Variants in CCDC181 observed in about 807,000 individuals in gnomAD.
The protein encoded by CCDC181 is coiled-coil domain containing 181.
In CCDC181, 35 loss-of-function variants were observed where a neutral mutation model predicts 58.7. That is an observed-to-expected ratio of 0.60 (90% CI 0.46 to 0.79). The LOEUF is 0.79. Among genes scored for constraint, CCDC181 ranks in the 30% least tolerant of loss-of-function variants. CCDC181 has a pLI of 0.00. For missense variants in CCDC181, 517 were observed against 583.9 expected, an observed-to-expected ratio of 0.89 and a Z score of 1.18; for synonymous variants, 183 against 197.5, an observed-to-expected ratio of 0.93 and a Z score of 0.62.
chr1:169,431,897 AGC>A (rs1342305060), upstream of CCDC181, among the ~76,000 whole-genome samples: 1 of 152,206 alleles, frequency 6.6e-6, no homozygotes, highest in East Asian at 1.9e-4. Flanking sequence ...TTACTCCTCC[AGC>A]TGAAGCAACT....
At chr1:169,424,619 A>G (rs1656634212) in intron 2 of CCDC181, among the ~76,000 whole-genome samples, 192 bp downstream of exon 2, 2 of 151,816 alleles carry the variant, frequency 1.3e-5, no homozygotes, top group Non-Finnish European at 2.9e-5. Flanking sequence ...AACCTGCCCT[A>G]TGCCTTAGGA....
intron 2 of CCDC181, among the ~76,000 whole-genome samples, chr1:169,443,791 A>G (rs547992081): frequency 2.0e-5 from 3 of 152,310 alleles, no homozygotes; most frequent in East Asian, 3.9e-4. Flanking sequence ...TCTTCTGCTC[A>G]TGTGCCGTGC....
chr1:169,423,875 T>G (rs1656603203), intron 2 of CCDC181, among the ~76,000 whole-genome samples: 1 of 152,026 alleles, frequency 6.6e-6, no homozygotes, highest in Non-Finnish European at 1.5e-5. Flanking sequence ...TTGACTCTGT[T>G]TCCATCTTCA....
intron 2 of CCDC181, among the ~76,000 whole-genome samples, chr1:169,441,613 T>G (rs577415239): frequency 2.0e-5 from 3 of 152,016 alleles, no homozygotes; most frequent in Non-Finnish European, 2.9e-5. Context: ...GGAAGAAAAT[T>G]AAGAACATGT....
At chr1:169,427,562 G>A (rs1421189541), upstream of CCDC181, 1 of 152,246 alleles carries the variant, frequency 6.6e-6, no homozygotes. Flanking sequence ...GGCCAGTGAA[G>A]CTGAGGTTTC....
intron 3 of CCDC181, 101 bp downstream of exon 3, chr1:169,421,258 CAAAA>C: frequency 1.2e-6 from 1 of 823,494 alleles, no homozygotes; most frequent in Non-Finnish European, 1.9e-6. Context: ...ATAAAGCAAT[CAAAA>C]AAAGTCTCCA....
At chr1:169,414,025 A>AT (rs1224991660) in intron 4 of CCDC181, among the ~76,000 whole-genome samples, 5 of 152,026 alleles carry the variant, frequency 3.3e-5, no homozygotes, top group East Asian at 1.9e-4. Context: ...TAATTAAAAA[A>AT]AATAATTAAA....
intron 2 of CCDC181, among the ~76,000 whole-genome samples, chr1:169,439,520 G>GCATGCAGACAGGCAGGTGCAGGAGC (rs1451554848): frequency 6.6e-6 from 1 of 152,208 alleles, no homozygotes; most frequent in African/African-American, 2.4e-5. Flanking sequence ...AGGATGGGGA[G>GCATGCAGACAGGCAGGTGCAGGAGC]CATGCAGACA....
At position 169,421,942 on chromosome 1, in the gene CCDC181, A is replaced by G; in HGVS notation, c.489T>C (p.Val163=). 1.2e-6 allele frequency: 2 copies of G among 1,613,948 alleles called. No individual in the cohort carries two copies. The highest frequency in any genetic ancestry group is 1.7e-6 in the Non-Finnish European group (2 of 1,179,926). ...AAGTAGTAGTGTCTTCTAGTGGAGG[A>G]ACTTCCAAATCAACTAACTGGTCCT... ...KFKDQLVDLE[V]PPLEDTTTFK... is the part of the protein sequence containing the mutation. Residue 163 remains valine (V), a synonymous_variant, in exon 3 of 6, where the codon GTT becomes GTC. Transcript: ENST00000367806.
At chr1:169,425,770 C>T (rs1166535308) in intron 1 of CCDC181, among the ~76,000 whole-genome samples, 1 of 152,048 alleles carries the variant, frequency 6.6e-6, no homozygotes, top group Non-Finnish European at 1.5e-5. Flanking sequence ...GAGCAGGGAT[C>T]TTGAAATTTA....
At chr1:169,419,436 T>C (rs1256700484) in intron 3 of CCDC181, among the ~76,000 whole-genome samples, 1 of 152,154 alleles carries the variant, frequency 6.6e-6, no homozygotes, top group Non-Finnish European at 1.5e-5. Context: ...AAAAATTAGC[T>C]GGGCTAATTT....
upstream of CCDC181, among the ~76,000 whole-genome samples, chr1:169,429,851 T>C (rs1413020927): frequency 6.6e-6 from 1 of 152,222 alleles, no homozygotes; most frequent in African/African-American, 2.4e-5. Context: ...GCGTTTGCTT[T>C]TAGATTCTTG....
intron 4 of CCDC181, among the ~76,000 whole-genome samples, chr1:169,412,042 G>C (rs1046003245): frequency 2.6e-5 from 4 of 152,192 alleles, no homozygotes; most frequent in Non-Finnish European, 5.9e-5. Context: ...AATCAGGCAA[G>C]AGAAAGAAAT....
At chr1:169,398,355 T>TGTA (rs1162288487) in intron 4 of CCDC181, among the ~76,000 whole-genome samples, 1 of 152,212 alleles carries the variant, frequency 6.6e-6, no homozygotes, top group Non-Finnish European at 1.5e-5. Flanking sequence ...TTACACAATG[T>TGTA]GTACATGTAT....
chr1:169,412,524 C>A (rs1258809272), intron 4 of CCDC181, among the ~76,000 whole-genome samples: 2 of 152,138 alleles, frequency 1.3e-5, no homozygotes, highest in East Asian at 1.9e-4. Context: ...GAAAAAACTT[C>A]TTTAAAGTTC....
intron 1 of CCDC181, among the ~76,000 whole-genome samples, chr1:169,425,179 G>T (rs553982609): frequency 1.7e-4 from 26 of 152,080 alleles, no homozygotes; most frequent in Middle Eastern, 3.4e-3. Context: ...TCCCCAAATA[G>T]TTATTGATGT....
chr1:169,405,007 C>T (rs1471351352), intron 4 of CCDC181, among the ~76,000 whole-genome samples: 2 of 152,136 alleles, frequency 1.3e-5, no homozygotes, highest in African/African-American at 4.8e-5. Context: ...CATTCTTATA[C>T]ACCAATAACA....
At chr1:169,397,536 C>A in intron 4 of CCDC181, 145 bp from the exon 5 acceptor site, 3 of 633,896 alleles carry the variant, frequency 4.7e-6, no homozygotes, top group Non-Finnish European at 5.0e-6. Context: ...TCCTAGTATC[C>A]AAACCAAATA....
intron 2 of CCDC181, among the ~76,000 whole-genome samples, chr1:169,437,087 G>C (rs752132673): frequency 2.0e-5 from 3 of 152,144 alleles, no homozygotes; most frequent in Non-Finnish European, 4.4e-5. Flanking sequence ...ACAATTTGGT[G>C]GGTGGGGGTA....
Sources: allele counts gnomAD v4.1 joint callset (sites outside exome capture counted in the v4.1 genomes callset), GRCh38; gene constraint gnomAD v4.1.1; transcripts MANE v1.5; gene names NCBI Gene and HGNC (gene_info 2026-07-23, HGNC 2026-07-21).